Variants in PDCD2 observed in about 807,000 individuals in gnomAD.
PDCD2 encodes programmed cell death 2, also known as uS5 assembly chaperone PDCD2.
A neutral mutation model predicts 38.1 loss-of-function variants in PDCD2; 38 were observed. That is an observed-to-expected ratio of 1.00 (90% CI 0.77 to 1.31). PDCD2 has a LOEUF of 1.31. Ranked by LOEUF, PDCD2 falls within the 50% of genes most tolerant of loss-of-function variation. The probability of loss-of-function intolerance (pLI) is 0.00; values close to 1 mark genes in which losing one functional copy is unlikely to be tolerated. For missense variants in PDCD2, 473 were observed against 435.7 expected (o/e 1.09, Z -0.76); for synonymous variants, 205 against 168.9 (o/e 1.21, Z -1.66).
At position 170,576,368 on chromosome 6, in the gene PDCD2, G is replaced by A. The variant is rs1334109695; in HGVS notation, c.*1191C>T. 6.6e-6 allele frequency: 1 copy of A among 152,218 alleles called. No homozygotes were observed. Among genetic ancestry groups the A allele is most frequent in the Non-Finnish European group, 1.5e-5 (1 of 68,036 alleles). 9.4% of individuals were successfully genotyped at this position (152,218 alleles called of 1,614,324 possible). On this transcript the variant is annotated 3_prime_UTR_variant, in exon 6 of 6. Transcript: ENST00000541970. ...TACCTATGAAAACGTGAGGATTTAT[G>A]GTGGCAATGCATTTCAGTTAACAGG...
In PDCD2 at chr6:170,583,728, G is replaced by A; in HGVS notation, c.303C>T (p.Pro101=). The A allele has an allele frequency of 6.2e-7, 1 of 1,610,344 alleles. No individual in the cohort carries two copies. Among genetic ancestry groups the A allele is most frequent in the Non-Finnish European group, 8.5e-7 (1 of 1,177,620 alleles). The part of the protein sequence containing the change: ...AGLRVFRNQL[P]RKNDFYSYEP... ...CATATGAGTAAAAATCGTTTTTCCT[G>A]GGTAGTTGATTCCTAAAAACTAAAA... is the stretch of plus-strand genomic sequence containing the variant. The change falls in exon 2 of 6, where the codon CCC becomes CCT. Residue 101 remains proline (P), a synonymous_variant. Transcript: ENST00000541970.
intron 4 of PDCD2, chr6:170,579,451 C>T (rs1779533645): frequency 6.4e-6 from 1 of 156,468 alleles, no homozygotes; most frequent in South Asian, 2.0e-4. Flanking sequence ...TGTATTTTGT[C>T]TAAAAGCATA....
chr6:170,579,918 TA>T, intron 4 of PDCD2, 83 bp downstream of exon 4: 1 of 771,020 alleles, frequency 1.3e-6, no homozygotes, highest in Non-Finnish European at 2.3e-6. Flanking sequence ...AGACTAATGT[TA>T]CTATGAAGTT....
intron 4 of PDCD2, 61 bp downstream of exon 4, chr6:170,579,940 GA>G: frequency 1.1e-6 from 1 of 874,864 alleles, no homozygotes. Context: ...ATTTCTTACA[GA>G]TTATACTCAT....
intron 2 of PDCD2, 99 bp downstream of exon 2, chr6:170,583,406 C>A: frequency 3.0e-6 from 4 of 1,339,182 alleles, no homozygotes; most frequent in Non-Finnish European, 4.1e-6. Flanking sequence ...TTTTAAAGTA[C>A]TATACCTTTC....
intron 5 of PDCD2, 58 bp downstream of exon 5, chr6:170,578,799 A>C: frequency 9.2e-7 from 1 of 1,089,296 alleles, no homozygotes; most frequent in Non-Finnish European, 1.4e-6. Flanking sequence ...TGAAGTTTTT[A>C]ATGTTTAAAA....
Position 170,576,966 on chromosome 6 carries a change from C to T in PDCD2, c.*593G>A, listed in dbSNP as rs1779465015. On this transcript the variant is annotated 3_prime_UTR_variant, in exon 6 of 6. Coordinates refer to ENST00000541970, the MANE Select transcript of PDCD2 (RefSeq NM_002598.4). ...GTTTCCTGTTCATCATACTCACCAACCTGAGGTTTGGTATTTCTCAAATAT... is the reference window on the plus strand; with the variant it reads ...GTTTCCTGTTCATCATACTCACCAATCTGAGGTTTGGTATTTCTCAAATAT... 6.6e-6 allele frequency: 1 copy of T among 152,228 alleles called. No individual in the cohort carries two copies. The highest frequency in any genetic ancestry group is 1.5e-5 in the Non-Finnish European group (1 of 68,066). 9.4% of individuals were successfully genotyped at this position (152,228 alleles called of 1,614,324 possible). A position where few individuals can be genotyped will look rare whatever the true frequency, so the allele number is the denominator to read the frequency against.
chr6:170,578,141 A>G (rs7745933), intron 5 of PDCD2, among the ~76,000 whole-genome samples: 77,483 of 151,854 alleles, frequency 0.51, 20,346 homozygotes, highest in East Asian at 0.78. Flanking sequence ...GAAGTAGTCT[A>G]ACTCAAAGAG....
rs1779734031 is a variant in PDCD2 at position 170,584,306 on chromosome 6, GC to G, written c.275del (p.Gly92AlafsTer50). ...FCCREQPCCA[G>X]LRVFRNQLPR... is the part of the protein sequence containing the mutation. ...CCCCGTTTGGCGGCTCACCTCGCAG[GC>G]CGGCACAGCACGGCTGCTCGCGGCA... On this transcript the variant is annotated frameshift_variant, in exon 1 of 6. Coordinates refer to ENST00000541970, the MANE Select transcript of PDCD2 (RefSeq NM_002598.4). LOFTEE classifies it high-confidence loss of function. 1 of 1,471,652 alleles carries G rather than the reference GC, an allele frequency of 6.8e-7. No homozygotes were observed. The highest frequency in any genetic ancestry group is 1.5e-5 in the African/African-American group (1 of 68,272). 91.2% of individuals were successfully genotyped at this position (1,471,652 alleles called of 1,614,324 possible).
In PDCD2 at chr6:170,583,480, G is replaced by A. The variant is rs1420788195; in HGVS notation, c.526+25C>T. 1.3e-5 allele frequency: 21 copies of A among 1,592,020 alleles called. No individual in the cohort carries two copies. The South Asian group carries it at 1.9e-4, about 14-fold the overall frequency. On this transcript the variant is annotated intron_variant, in intron 2 of 5. Transcript: ENST00000541970. The stretch of plus-strand genomic sequence containing the variant: ...TTGACAAAGGCGATGAAACTGAACT[G>A]AGACTTAAAAAAAAGATTACCCACC...
At position 170,584,442 on chromosome 6, in the gene PDCD2, TG is replaced by T; in HGVS notation, c.139del (p.Gln47ArgfsTer95). On this transcript the variant is annotated frameshift_variant, in exon 1 of 6. Coordinates refer to ENST00000541970, the MANE Select transcript of PDCD2 (RefSeq NM_002598.4). LOFTEE classifies it high-confidence loss of function. ...GCCGCACAGCTCGCAGGCCAGGGCC[TG>T]GGGCCCCGGCAGCCCGGCCGCGCCC... is the stretch of plus-strand genomic sequence containing the variant. The part of the protein sequence containing the change: ...WLGAAGLPGP[Q>X]ALACELCGRP... 7.5e-7 allele frequency: 1 copy of T among 1,335,902 alleles called. No homozygotes were observed. The highest frequency in any genetic ancestry group is 9.5e-7 in the Non-Finnish European group (1 of 1,048,852). The allele number at this position is 1,335,902 out of a possible 1,614,324, so 82.8% of individuals were successfully genotyped here.
At chr6:170,579,608 A>G (rs1779538498) in intron 4 of PDCD2, 1 of 157,614 alleles carries the variant, frequency 6.3e-6, no homozygotes, top group Non-Finnish European at 1.4e-5. Context: ...AAATGTTAAC[A>G]TGTCACATTT....
At chr6:170,578,732 C>A in intron 5 of PDCD2, 125 bp downstream of exon 5, 1 of 734,970 alleles carries the variant, frequency 1.4e-6, no homozygotes, top group South Asian at 1.4e-5. Context: ...TGATGATTTT[C>A]ATTATAGGGT....
chr6:170,584,301 C>A lies in PDCD2; in HGVS notation c.281G>T (p.Arg94Leu). The A allele has an allele frequency of 6.9e-7, 1 of 1,450,444 alleles. No individual in the cohort carries two copies. 89.8% of individuals were successfully genotyped at this position (1,450,444 alleles called of 1,614,324 possible). A position where few individuals can be genotyped will look rare whatever the true frequency, so the allele number is the denominator to read the frequency against. ...CCCGACCCCGTTTGGCGGCTCACCT[C>A]GCAGGCCGGCACAGCACGGCTGCTC... ...CREQPCCAGL[R>L]VFRNQLPRKN... is the part of the protein sequence containing the mutation. The change falls in exon 1 of 6, where the codon CGA (arginine) becomes CTA (leucine). Residue 94 changes from arginine to leucine, a missense_variant and splice_region_variant. Arg to Leu is a moderately radical substitution (Grantham distance 102). Coordinates refer to ENST00000541970, the MANE Select transcript of PDCD2 (RefSeq NM_002598.4).
At chr6:170,577,751 C>A in intron 5 of PDCD2, 34 bp from the exon 6 acceptor site, 1 of 1,607,458 alleles carries the variant, frequency 6.2e-7, no homozygotes, top group Non-Finnish European at 8.5e-7. Context: ...TAGAAAGCTG[C>A]TTCACAGCAG....
At chr6:170,584,231 G>A in intron 1 of PDCD2, 68 bp downstream of exon 1, 1 of 1,304,134 alleles carries the variant, frequency 7.7e-7, no homozygotes, top group Non-Finnish European at 9.8e-7. Context: ...CCCCCTGGTC[G>A]CTCCCGGAAT....
At chr6:170,584,176 G>A (rs146584618) in intron 1 of PDCD2, 123 bp downstream of exon 1, 2 of 1,090,458 alleles carry the variant, frequency 1.8e-6, no homozygotes, top group Admixed American at 4.0e-5. Context: ...GGGCAGCGCG[G>A]AGAGGGAGCT....
Position 170,584,306 on chromosome 6 carries a change from G to T in PDCD2, c.276C>A (p.Gly92=). The change falls in exon 1 of 6, where the codon GGC becomes GGA. Residue 92 remains glycine (G), a synonymous_variant. Transcript: ENST00000541970. The part of the protein sequence containing the change: ...FCCREQPCCA[G]LRVFRNQLPR... ...CCCCGTTTGGCGGCTCACCTCGCAGGCCGGCACAGCACGGCTGCTCGCGGC... is the reference window on the plus strand; with the variant it reads ...CCCCGTTTGGCGGCTCACCTCGCAGTCCGGCACAGCACGGCTGCTCGCGGC... 1 of 1,471,774 alleles carries T rather than the reference G, an allele frequency of 6.8e-7. No homozygotes were observed. 91.2% of individuals were successfully genotyped at this position (1,471,774 alleles called of 1,614,324 possible). A position where few individuals can be genotyped will look rare whatever the true frequency, so the allele number is the denominator to read the frequency against.
At chr6:170,583,319 A>C in intron 2 of PDCD2, 131 bp from the exon 3 acceptor site, 1 of 887,100 alleles carries the variant, frequency 1.1e-6, no homozygotes, top group Non-Finnish European at 1.7e-6. Flanking sequence ...TTAAATGCCT[A>C]TATGGTGACA....
Sources: allele counts gnomAD v4.1 joint callset (sites outside exome capture counted in the v4.1 genomes callset), GRCh38; gene constraint gnomAD v4.1.1; transcripts MANE v1.5; gene names NCBI Gene and HGNC (gene_info 2026-07-23, HGNC 2026-07-21).